The following MAN2A1 variants were observed in gnomAD, a reference collection of about 807,000 sequenced individuals.
MAN2A1 encodes the protein mannosidase alpha class 2A member 1.
A neutral mutation model predicts 142.6 loss-of-function variants in MAN2A1; 76 were observed. That is an observed-to-expected ratio of 0.53 (90% CI 0.44 to 0.65). The LOEUF (loss-of-function observed/expected upper bound fraction) is 0.65, where lower values mean the gene tolerates loss of function less well. Among genes scored for constraint, MAN2A1 ranks in the 30% least tolerant of loss-of-function variants. MAN2A1 has a pLI of 0.00. For synonymous variants in MAN2A1, 559 were observed against 473.2 expected (o/e 1.18, Z -2.35); for missense variants, 1,311 against 1,365.1 (o/e 0.96, Z 0.62).
intron 5 of MAN2A1, among the ~76,000 whole-genome samples, chr5:109,758,087 T>G (rs1230105829): frequency 6.6e-6 from 1 of 152,194 alleles, no homozygotes; most frequent in East Asian, 1.9e-4. Flanking sequence ...TTTAGCATTT[T>G]GAGAAACTGT....
intron 12 of MAN2A1, among the ~76,000 whole-genome samples, chr5:109,792,134 G>T (rs1753752720): frequency 6.6e-6 from 1 of 151,980 alleles, no homozygotes; most frequent in African/African-American, 2.4e-5. Context: ...GTTCTCCCTG[G>T]ATGACCTCCC....
chr5:109,789,566 G>T, intron 12 of MAN2A1, 39 bp downstream of exon 12: 2 of 1,389,772 alleles, frequency 1.4e-6, no homozygotes, highest in East Asian at 2.5e-5. Context: ...ACCACTTTCT[G>T]GCTTAATAGT....
chr5:109,694,781 A>G (rs570477549), intron 1 of MAN2A1, among the ~76,000 whole-genome samples: 1 of 152,318 alleles, frequency 6.6e-6, no homozygotes, highest in East Asian at 1.9e-4. Context: ...GGCAATACAT[A>G]TAACTAGGAC....
chr5:109,742,092 A>G (rs1270939401), intron 4 of MAN2A1, among the ~76,000 whole-genome samples: 1 of 152,236 alleles, frequency 6.6e-6, no homozygotes, highest in African/African-American at 2.4e-5. Flanking sequence ...CAGCTGAAAC[A>G]TTAGCCTTAG....
intron 19 of MAN2A1, among the ~76,000 whole-genome samples, chr5:109,851,704 T>G (rs932383011): frequency 1.3e-5 from 2 of 152,112 alleles, no homozygotes; most frequent in African/African-American, 4.8e-5. Context: ...ATTGACGGCT[T>G]TAGGATTTGT....
At position 109,701,706 on chromosome 5, in the gene MAN2A1, A is replaced by G. The variant is rs188147249; in HGVS notation, c.135+11154A>G. ...TCCCTGTACCAGTATTGAATTGGCT[A>G]GAATCGGGAGGATGAAAAATGTGGA... On this transcript the variant is annotated intron_variant, in intron 1 of 21. Transcript: ENST00000261483. Among the ~76,000 whole-genome samples the G allele has an allele frequency of 8.5e-5, 13 of 152,338 alleles. No homozygotes were observed. The East Asian group carries it at 2.5e-3, about 29-fold the overall frequency.
intron 12 of MAN2A1, among the ~76,000 whole-genome samples, chr5:109,810,790 G>T (rs903876408): frequency 1.3e-5 from 2 of 152,126 alleles, no homozygotes; most frequent in Non-Finnish European, 2.9e-5. Flanking sequence ...TCAGGCAAAT[G>T]ATTATTATTT....
intron 17 of MAN2A1, among the ~76,000 whole-genome samples, chr5:109,844,847 A>G (rs527264894): frequency 3.3e-5 from 5 of 152,300 alleles, no homozygotes; most frequent in African/African-American, 7.2e-5. Flanking sequence ...TTAGGTCCCA[A>G]CATAATCCAG....
chr5:109,760,336 A>T (rs931003613), intron 5 of MAN2A1, among the ~76,000 whole-genome samples: 1 of 152,114 alleles, frequency 6.6e-6, no homozygotes, highest in Non-Finnish European at 1.5e-5. Flanking sequence ...TGGCTGCATA[A>T]TATTCCATGG....
intron 12 of MAN2A1, among the ~76,000 whole-genome samples, chr5:109,799,077 C>T (rs888652705): frequency 6.6e-6 from 1 of 152,190 alleles, no homozygotes; most frequent in Non-Finnish European, 1.5e-5. Context: ...TGTCCCTCCA[C>T]TGGGTGATGG....
chr5:109,801,674 T>A lies in MAN2A1; in HGVS notation c.1943+12147T>A, dbSNP rs144704803. Among the ~76,000 whole-genome samples, 11 of 152,264 alleles carry A rather than the reference T, an allele frequency of 7.2e-5. No homozygotes were observed. In the East Asian group the frequency reaches 2.1e-3, roughly 29 times the overall value. On this transcript the variant is annotated intron_variant, in intron 12 of 21. Transcript: ENST00000261483. ...CTTCGGCTCAGGGACTGGAGTTGTG[T>A]TCTGAATACTCTAGGAGCAGGTCTA...
chr5:109,857,370 C>T (rs2112775624), intron 20 of MAN2A1, among the ~76,000 whole-genome samples: 1 of 152,284 alleles, frequency 6.6e-6, no homozygotes, highest in Non-Finnish European at 1.5e-5. Flanking sequence ...GTCATAAATT[C>T]ATGAGCTAAA....
chr5:109,811,375 G>A (rs903741684), intron 12 of MAN2A1, among the ~76,000 whole-genome samples: 1 of 151,974 alleles, frequency 6.6e-6, no homozygotes, highest in Non-Finnish European at 1.5e-5. Flanking sequence ...TAAGACTTAC[G>A]AATGAATTTT....
intron 10 of MAN2A1, among the ~76,000 whole-genome samples, chr5:109,786,778 T>C (rs1753605724): frequency 1.3e-5 from 2 of 152,058 alleles, no homozygotes; most frequent in South Asian, 4.1e-4. Flanking sequence ...GGCAGAAATA[T>C]CACTGTGAAC....
rs1364058218 is a variant in MAN2A1 at position 109,767,679 on chromosome 5, C to T, written c.980C>T (p.Thr327Ile). 1.2e-6 allele frequency: 2 copies of T among 1,612,936 alleles called. No homozygotes were observed. The highest frequency in any genetic ancestry group is 8.5e-7 in the Non-Finnish European group (1 of 1,179,526). The change falls in exon 6 of 22, where the codon ACA becomes ATA. Residue 327 changes from threonine (T) to isoleucine (I), a missense_variant. Physicochemically the swap from Thr to Ile is moderately conservative, Grantham distance 89. Around this residue, in one of 3 missense-constraint regions of MAN2A1, gnomAD observed 409 missense variants for 412.7 expected, o/e 0.99. Transcript: ENST00000261483. ...AVKKHFALHK[T>I]LEFFWRQNWD... The stretch of plus-strand genomic sequence containing the variant: ...AAAAAACACTTTGCACTGCATAAAA[C>T]ATTGGAGTTTTTTTGGAGACAGAAT...
intron 20 of MAN2A1, among the ~76,000 whole-genome samples, chr5:109,859,434 C>T (rs1755702049): frequency 6.6e-6 from 1 of 152,204 alleles, no homozygotes; most frequent in African/African-American, 2.4e-5. Flanking sequence ...ACAAACATCT[C>T]TGGAAGCCCT....
chr5:109,821,617 AG>A, intron 15 of MAN2A1, among the ~76,000 whole-genome samples: 1 of 152,300 alleles, frequency 6.6e-6, no homozygotes, highest in South Asian at 2.1e-4. Context: ...TGCCTATAAT[AG>A]TAAGTTAGTA....
chr5:109,689,927 C>G lies in MAN2A1; in HGVS notation c.-491C>G, dbSNP rs1411836426. ...GGGCTTGGCTCCTCGCGATCTTGTT[C>G]CTTTCCCCTCCGCTTCTCTGACCTA... On this transcript the variant is annotated 5_prime_UTR_variant, in exon 1 of 22. Coordinates refer to ENST00000261483, the MANE Select transcript of MAN2A1 (RefSeq NM_002372.4). 2 of 161,076 alleles carry G rather than the reference C, an allele frequency of 1.2e-5. No individual in the cohort carries two copies. The highest frequency in any genetic ancestry group is 4.8e-5 in the African/African-American group (2 of 41,528). The allele number at this position is 161,076 out of a possible 1,614,324, so 10.0% of individuals were successfully genotyped here. A position where few individuals can be genotyped will look rare whatever the true frequency, so the allele number is the denominator to read the frequency against.
At chr5:109,843,347 G>T (rs964750611) in intron 17 of MAN2A1, among the ~76,000 whole-genome samples, 1 of 152,068 alleles carries the variant, frequency 6.6e-6, no homozygotes, top group Non-Finnish European at 1.5e-5. Flanking sequence ...CTCCCTCACT[G>T]TCAAAAGAAC....
Sources: gnomAD v4.1 joint callset for allele counts (sites outside exome capture counted in the v4.1 genomes callset) on GRCh38, gnomAD v4.1.1 for gene constraint, gnomAD v4.1.1 regional missense constraint, MANE v1.5 for transcripts, NCBI Gene and HGNC (gene_info 2026-07-23, HGNC 2026-07-21) for gene names.